The following SH3RF3 variants were observed in gnomAD, a reference collection of about 807,000 sequenced individuals.
The protein encoded by SH3RF3 is SH3 domain containing ring finger 3.
A neutral mutation model predicts 66.3 loss-of-function variants in SH3RF3; 29 were observed. That is an observed-to-expected ratio of 0.44 (90% CI 0.33 to 0.60). The LOEUF (loss-of-function observed/expected upper bound fraction) is 0.60. Ranked by LOEUF, SH3RF3 falls within the 20% of genes least tolerant of loss-of-function variation. The pLI, the probability that SH3RF3 is intolerant of heterozygous loss-of-function variation, is 0.04. For missense variants in SH3RF3, 1,194 were observed against 1,190.9 expected, an observed-to-expected ratio of 1.00 and a Z score of -0.04; for synonymous variants, 583 against 532.0, an observed-to-expected ratio of 1.10 and a Z score of -1.32.
chr2:109,383,553 C>T (rs1234066213), intron 3 of SH3RF3, among the ~76,000 whole-genome samples: 2 of 152,166 alleles, frequency 1.3e-5, no homozygotes, highest in African/African-American at 4.8e-5. Context: ...CAGGCTTCTG[C>T]GGGCTGAGGC....
intron 1 of SH3RF3, among the ~76,000 whole-genome samples, chr2:109,218,244 A>C (rs1679147964): frequency 1.3e-5 from 2 of 152,140 alleles, no homozygotes; most frequent in South Asian, 4.1e-4. Flanking sequence ...GGCATGGCAC[A>C]AAAAAAGACA....
intron 1 of SH3RF3, among the ~76,000 whole-genome samples, chr2:109,325,497 T>C (rs1216253477): frequency 6.6e-6 from 1 of 151,944 alleles, no homozygotes; most frequent in Non-Finnish European, 1.5e-5. Context: ...TGTGCCACCA[T>C]GTACAGCATA....
At chr2:109,449,569 A>G in intron 8 of SH3RF3, 80 bp downstream of exon 8, 2 of 1,498,292 alleles carry the variant, frequency 1.3e-6, no homozygotes, top group Middle Eastern at 1.8e-4. Flanking sequence ...TGGCAGTGGC[A>G]TTTGTGCAAT....
intron 4 of SH3RF3, among the ~76,000 whole-genome samples, chr2:109,405,231 G>A (rs560229251): frequency 2.6e-5 from 4 of 152,242 alleles, no homozygotes; most frequent in East Asian, 1.9e-4. Context: ...AGGAGCAACC[G>A]ATGACACCCC....
chr2:109,201,585 G>A (rs1678677177), intron 1 of SH3RF3, among the ~76,000 whole-genome samples: 1 of 152,188 alleles, frequency 6.6e-6, no homozygotes, highest in South Asian at 2.1e-4. Context: ...TGAGGTCTCT[G>A]AAAGTGTGAT....
At chr2:109,445,791 A>T (rs958602101) in intron 7 of SH3RF3, among the ~76,000 whole-genome samples, 2 of 152,124 alleles carry the variant, frequency 1.3e-5, no homozygotes, top group African/African-American at 4.8e-5. Context: ...GTTCCATTTC[A>T]TCCCTGAAGT....
At position 109,462,518 on chromosome 2, in the gene SH3RF3, T is replaced by C. The variant is rs576290517; in HGVS notation, c.2148+13029T>C. On this transcript the variant is annotated intron_variant, in intron 8 of 9. Transcript: ENST00000309415. ...GCACCGGCCAAACAGGAGAGTTGAA[T>C]AGGGATGTGGTGAGAATCACCACCC... Among the ~76,000 whole-genome samples the C allele has an allele frequency of 5.3e-5, 8 of 152,280 alleles. No individual in the cohort carries two copies. The East Asian group carries it at 1.2e-3, about 22-fold the overall frequency.
rs780626649 is a variant in SH3RF3 at position 109,347,878 on chromosome 2, C to A, written c.778C>A (p.Gln260Lys). The change falls in exon 2 of 10, where the codon CAG (glutamine) becomes AAG (lysine). Residue 260 changes from glutamine (Q) to lysine (K), a missense_variant. Physicochemically the swap from Gln to Lys is moderately conservative, Grantham distance 53 (BLOSUM62 1). Transcript: ENST00000309415. ...CCAGCCCTTGCCACACGCCCCGCCC[C>A]AGGGAAAAGCACTTTATGATTTCGA... is the stretch of plus-strand genomic sequence containing the variant. ...CIQPLPHAPP[Q>K]GKALYDFEMK... 1 of 1,612,860 alleles carries A rather than the reference C, an allele frequency of 6.2e-7. No homozygotes were observed. The highest frequency in any genetic ancestry group is 8.5e-7 in the Non-Finnish European group (1 of 1,179,458).
chr2:109,427,931 C>G (rs1235396565), intron 5 of SH3RF3, among the ~76,000 whole-genome samples: 1 of 152,268 alleles, frequency 6.6e-6, no homozygotes, highest in African/African-American at 2.4e-5. Flanking sequence ...GCACGCTCCT[C>G]TGAGCATCTG....
At chr2:109,318,273 G>A (rs138755086) in intron 1 of SH3RF3, among the ~76,000 whole-genome samples, 78 of 152,064 alleles carry the variant, frequency 5.1e-4, no homozygotes, top group Non-Finnish European at 1.1e-3. Context: ...CCAGATGTTC[G>A]GGAGCATTTC....
Position 109,153,005 on chromosome 2 carries a change from C to T in SH3RF3, c.573+22892C>T, listed in dbSNP as rs78629246. ...ATGATGCAGCTGAGTTTGAGCCTGT[C>T]TTAGAAGCACGTTTTGATGGGCAGA... On this transcript the variant is annotated intron_variant, in intron 1 of 9. Coordinates refer to ENST00000309415, the MANE Select transcript of SH3RF3 (RefSeq NM_001099289.3). 0.017 allele frequency among the ~76,000 whole-genome samples: 2,652 copies of T among 152,290 alleles called. 239 individuals carry two copies. The East Asian group carries it at 0.25, about 14-fold the overall frequency.
chr2:109,181,482 A>AACAC (rs140426095), intron 1 of SH3RF3, among the ~76,000 whole-genome samples: 1 of 151,640 alleles, frequency 6.6e-6, no homozygotes, highest in South Asian at 2.1e-4. Flanking sequence ...CCACTGGTGT[A>AACAC]ACACACACAC....
chr2:109,279,879 G>T (rs1574547299), intron 1 of SH3RF3, among the ~76,000 whole-genome samples: 1 of 152,070 alleles, frequency 6.6e-6, no homozygotes. Context: ...ATGGGCCCCT[G>T]GGGGGTGAGA....
chr2:109,278,952 CAAGAG>C (rs1476731275), intron 1 of SH3RF3, among the ~76,000 whole-genome samples: 1 of 152,196 alleles, frequency 6.6e-6, no homozygotes, highest in African/African-American at 2.4e-5. Flanking sequence ...TTTGAGCAGT[CAAGAG>C]AAGACACAGA....
intron 1 of SH3RF3, among the ~76,000 whole-genome samples, chr2:109,263,008 A>ATT (rs200462191): frequency 7.4e-5 from 11 of 149,628 alleles, no homozygotes; most frequent in Admixed American, 6.6e-4. Context: ...CGTTTTTTGT[A>ATT]TTTTTTTTTG....
chr2:109,282,382 G>T (rs1453569281), intron 1 of SH3RF3, among the ~76,000 whole-genome samples: 1 of 152,186 alleles, frequency 6.6e-6, no homozygotes, highest in African/African-American at 2.4e-5. Flanking sequence ...TGGTTTTGCT[G>T]AGATACCAAA....
intron 8 of SH3RF3, among the ~76,000 whole-genome samples, chr2:109,452,819 GGGAGGCTGGTGCCA>G (rs1290017508): frequency 4.7e-5 from 7 of 149,406 alleles, no homozygotes; most frequent in African/African-American, 1.2e-4. Flanking sequence ...GGCTGGTTCT[GGGAGGCTGGTGCCA>G]GGAGGCTGGT....
At chr2:109,386,513 C>CA (rs1215341147) in intron 3 of SH3RF3, among the ~76,000 whole-genome samples, 2 of 152,116 alleles carry the variant, frequency 1.3e-5, no homozygotes, top group Admixed American at 1.3e-4. Context: ...ACTTTATTTA[C>CA]AAAAACCAGC....
At chr2:109,474,398 C>A (rs1395891805) in intron 8 of SH3RF3, among the ~76,000 whole-genome samples, 2 of 152,280 alleles carry the variant, frequency 1.3e-5, no homozygotes, top group Admixed American at 1.3e-4. Flanking sequence ...CAAAGCTCTC[C>A]CCCTAACAGA....
Sources: gnomAD v4.1 joint callset for allele counts (sites outside exome capture counted in the v4.1 genomes callset) on GRCh38, gnomAD v4.1.1 for gene constraint, MANE v1.5 for transcripts, NCBI Gene and HGNC (gene_info 2026-07-23, HGNC 2026-07-21) for gene names.